Variants in GRID1 observed in about 807,000 individuals in gnomAD.
GRID1 encodes glutamate receptor ionotropic, delta-1.
Under a neutral mutation model 98.0 loss-of-function variants are expected in GRID1, and 28 were observed. The observed-to-expected ratio is 0.29, with a 90% confidence interval of 0.21 to 0.39. The LOEUF is 0.39. Among genes scored for constraint, GRID1 ranks in the 10% least tolerant of loss-of-function variants. GRID1 has a pLI of 1.00. For synonymous variants in GRID1, 553 were observed against 538.5 expected (o/e 1.03, Z -0.37); for missense variants, 1,111 against 1,340.5 (o/e 0.83, Z 2.67).
intron 2 of GRID1, among the ~76,000 whole-genome samples, chr10:86,358,866 G>A (rs1427410977): frequency 6.6e-6 from 1 of 151,498 alleles, no homozygotes; most frequent in Non-Finnish European, 1.5e-5. Flanking sequence ...GTCAGAGAAG[G>A]AGATGTGATG....
At chr10:86,261,803 A>G (rs1184689044) in intron 2 of GRID1, among the ~76,000 whole-genome samples, 1 of 152,194 alleles carries the variant, frequency 6.6e-6, no homozygotes, top group African/African-American at 2.4e-5. Flanking sequence ...AGCCACCAGC[A>G]TCCAGGTCAT....
At chr10:85,741,241 T>C (rs955330554) in intron 8 of GRID1, among the ~76,000 whole-genome samples, 5 of 152,212 alleles carry the variant, frequency 3.3e-5, no homozygotes, top group African/African-American at 7.2e-5. Flanking sequence ...CAAAAGGTTT[T>C]CTCACTCAGT....
intron 13 of GRID1, among the ~76,000 whole-genome samples, chr10:85,642,718 T>C (rs1029435194): frequency 6.6e-6 from 1 of 152,232 alleles, no homozygotes; most frequent in Non-Finnish European, 1.5e-5. Flanking sequence ...AGGTCTCACT[T>C]GTCCTTATCT....
intron 2 of GRID1, among the ~76,000 whole-genome samples, chr10:86,219,468 G>A (rs944868205): frequency 2.0e-5 from 3 of 152,128 alleles, no homozygotes; most frequent in Non-Finnish European, 4.4e-5. Context: ...GTTGTTTACC[G>A]ACCTTGGCTG....
At chr10:85,958,345 A>G (rs1467802213) in intron 4 of GRID1, among the ~76,000 whole-genome samples, 10 of 152,270 alleles carry the variant, frequency 6.6e-5, no homozygotes, top group East Asian at 1.9e-4. Context: ...TAAACAATAC[A>G]ATACCCATCT....
At chr10:85,985,858 T>C (rs1369069813) in intron 4 of GRID1, among the ~76,000 whole-genome samples, 1 of 152,140 alleles carries the variant, frequency 6.6e-6, no homozygotes, top group Non-Finnish European at 1.5e-5. Context: ...GGCTGTGTTG[T>C]TTCCCCAAAG....
intron 5 of GRID1, among the ~76,000 whole-genome samples, chr10:85,912,997 G>A (rs1233964949): frequency 1.3e-5 from 2 of 152,184 alleles, no homozygotes; most frequent in Admixed American, 6.5e-5. Flanking sequence ...ACCGGAAACA[G>A]TAGTCCTGAG....
At position 85,697,691 on chromosome 10, in the gene GRID1, G is replaced by T. The variant is rs147207355; in HGVS notation, c.1997+25312C>A. Among the ~76,000 whole-genome samples the T allele has an allele frequency of 3.4e-3, 523 of 152,186 alleles. 3 individuals carry two copies. Among genetic ancestry groups the T allele is most frequent in the African/African-American group, 0.012 (508 of 41,522 alleles). ...CACCTTCCTTTACAAGTTTATGGTG[G>T]CCTGAAGGCAAGAACTGATATGTAG... is the stretch of plus-strand genomic sequence containing the variant. On this transcript the variant is annotated intron_variant, in intron 12 of 15. Coordinates refer to ENST00000327946, the MANE Select transcript of GRID1 (RefSeq NM_017551.3).
intron 3 of GRID1, among the ~76,000 whole-genome samples, chr10:86,204,165 CT>C (rs1564705522): frequency 6.6e-6 from 1 of 152,204 alleles, no homozygotes; most frequent in East Asian, 1.9e-4. Flanking sequence ...GCCTACACCC[CT>C]TCCCTGCTAC....
intron 8 of GRID1, among the ~76,000 whole-genome samples, chr10:85,846,348 G>A (rs1843007375): frequency 6.6e-6 from 1 of 152,020 alleles, no homozygotes; most frequent in Non-Finnish European, 1.5e-5. Flanking sequence ...GCGTCACCAG[G>A]ATGGTGAAAC....
intron 4 of GRID1, among the ~76,000 whole-genome samples, chr10:86,080,409 A>AAGGGG (rs1182469301): frequency 1.1e-4 from 3 of 28,526 alleles, no homozygotes; most frequent in Non-Finnish European, 6.4e-5. Flanking sequence ...AAGGGAAGGG[A>AAGGGG]AGGGGAGGGG....
chr10:86,296,784 C>CACATACAT (rs3061904), intron 2 of GRID1, among the ~76,000 whole-genome samples: 3 of 150,722 alleles, frequency 2.0e-5, no homozygotes, highest in East Asian at 2.0e-4. Context: ...CATACATACA[C>CACATACAT]ACATACATAC....
intron 3 of GRID1, among the ~76,000 whole-genome samples, chr10:86,144,459 G>A (rs1174126108): frequency 6.6e-6 from 1 of 152,164 alleles, no homozygotes; most frequent in Non-Finnish European, 1.5e-5. Flanking sequence ...TCCATGGGGA[G>A]GAGAGGACAC....
At chr10:86,343,538 TGAAATATTCCTTGCAGA>T (rs1467651625) in intron 2 of GRID1, among the ~76,000 whole-genome samples, 6 of 152,352 alleles carry the variant, frequency 3.9e-5, no homozygotes, top group South Asian at 2.1e-4. Context: ...TAAAATGAGA[TGAAATATTCCTTGCAGA>T]GAAATATTCC....
chr10:85,699,075 T>C (rs12218601), intron 12 of GRID1, among the ~76,000 whole-genome samples: 10,020 of 152,070 alleles, frequency 0.066, 676 homozygotes, highest in African/African-American at 0.17. Context: ...TTTTTTGAGA[T>C]AGAGTCTCAC....
In GRID1 at chr10:86,162,596, G is replaced by T. The variant is rs978166514; in HGVS notation, c.521-23572C>A. 2.0e-5 allele frequency among the ~76,000 whole-genome samples: 3 copies of T among 152,180 alleles called. No individual in the cohort carries two copies. The South Asian group carries it at 6.2e-4, about 32-fold the overall frequency. On this transcript the variant is annotated intron_variant, in intron 3 of 15. Coordinates refer to ENST00000327946, the MANE Select transcript of GRID1 (RefSeq NM_017551.3). Reference sequence around the variant, plus strand: ...TGCAAATCCAACCCTAAAAACAGGGGTGTCCTGTGCATAAAAAGGGTCTTG... The same window carrying T: ...TGCAAATCCAACCCTAAAAACAGGGTTGTCCTGTGCATAAAAAGGGTCTTG...
At chr10:86,052,907 T>C (rs985785654) in intron 4 of GRID1, among the ~76,000 whole-genome samples, 1 of 152,224 alleles carries the variant, frequency 6.6e-6, no homozygotes, top group African/African-American at 2.4e-5. Context: ...ATGCCCTTTG[T>C]CCCCAGCAAT....
chr10:85,628,841 G>A (rs1842941014), intron 13 of GRID1, among the ~76,000 whole-genome samples: 1 of 152,176 alleles, frequency 6.6e-6, no homozygotes, highest in African/African-American at 2.4e-5. Context: ...AGCCCAGAGT[G>A]AATAGAATGG....
At chr10:86,187,542 T>G (rs1845742351) in intron 3 of GRID1, among the ~76,000 whole-genome samples, 1 of 152,176 alleles carries the variant, frequency 6.6e-6, no homozygotes, top group African/African-American at 2.4e-5. Context: ...GACCCAGCAC[T>G]GAACGAGACC....
Sources: allele counts gnomAD v4.1 joint callset (sites outside exome capture counted in the v4.1 genomes callset), GRCh38; gene constraint gnomAD v4.1.1; transcripts MANE v1.5; gene names NCBI Gene and HGNC (gene_info 2026-07-23, HGNC 2026-07-21).